CDH12: variants seen among roughly 807,000 people sequenced by gnomAD.
CDH12 encodes cadherin-12.
CDH12 carries 41 observed loss-of-function variants against 74.1 expected under a neutral mutation model. That is an observed-to-expected ratio of 0.55 (90% CI 0.43 to 0.72). CDH12 has a LOEUF of 0.72. CDH12 is among the 30% of genes least tolerant of loss of function. The pLI is 0.00. For synonymous variants in CDH12, 399 were observed against 355.0 expected, an observed-to-expected ratio of 1.12 and a Z score of -1.39; for missense variants, 945 against 977.2, an observed-to-expected ratio of 0.97 and a Z score of 0.44.
chr5:22,788,351 A>G (rs1747744717), intron 1 of CDH12, among the ~76,000 whole-genome samples: 1 of 151,996 alleles, frequency 6.6e-6, no homozygotes. Flanking sequence ...GCAGATTTAT[A>G]TGCACCTTTA....
At chr5:21,866,652 A>G (rs1397051333) in intron 6 of CDH12, among the ~76,000 whole-genome samples, 2 of 152,312 alleles carry the variant, frequency 1.3e-5, no homozygotes, top group East Asian at 3.9e-4. Flanking sequence ...ATTCAGTTTT[A>G]TAAGGGAAGC....
At chr5:22,283,251 T>TCTATAC (rs1554027675) in intron 3 of CDH12, among the ~76,000 whole-genome samples, 3 of 102,058 alleles carry the variant, frequency 2.9e-5, no homozygotes, top group African/African-American at 1.2e-4. Context: ...TATATATATA[T>TCTATAC]ACACACACAC....
chr5:22,717,862 A>G (rs1743659877), intron 1 of CDH12, among the ~76,000 whole-genome samples: 1 of 152,174 alleles, frequency 6.6e-6, no homozygotes, highest in African/African-American at 2.4e-5. Context: ...TTCTTATTTC[A>G]GACAGACCTT....
intron 2 of CDH12, among the ~76,000 whole-genome samples, chr5:22,438,265 T>C (rs1458500223): frequency 6.6e-6 from 1 of 152,038 alleles, no homozygotes; most frequent in East Asian, 1.9e-4. Context: ...CAACAAATTA[T>C]AGCATTTTGG....
chr5:22,601,969 C>T (rs1736873052), intron 1 of CDH12, among the ~76,000 whole-genome samples: 1 of 152,016 alleles, frequency 6.6e-6, no homozygotes, highest in Non-Finnish European at 1.5e-5. Flanking sequence ...ACATGTAAGA[C>T]ACATTCAAAG....
chr5:22,806,447 G>A (rs1374463724), intron 1 of CDH12, among the ~76,000 whole-genome samples: 2 of 151,270 alleles, frequency 1.3e-5, no homozygotes, highest in African/African-American at 4.9e-5. Flanking sequence ...CCGCCTCCCG[G>A]GTTCACGCCA....
chr5:22,354,366 C>T (rs767948338), intron 3 of CDH12, among the ~76,000 whole-genome samples: 5 of 152,204 alleles, frequency 3.3e-5, no homozygotes, highest in Non-Finnish European at 5.9e-5. Flanking sequence ...ATCGCCATCA[C>T]CACCAGTGGT....
chr5:22,280,917 C>CA (rs1338925525), intron 3 of CDH12, among the ~76,000 whole-genome samples: 1 of 151,820 alleles, frequency 6.6e-6, no homozygotes, highest in African/African-American at 2.4e-5. Flanking sequence ...AGAGACACAA[C>CA]AAAAAAAGAG....
chr5:22,814,166 C>T (rs769150257), intron 1 of CDH12, among the ~76,000 whole-genome samples: 5 of 152,074 alleles, frequency 3.3e-5, no homozygotes, highest in Non-Finnish European at 7.4e-5. Flanking sequence ...TCTTGTCTTA[C>T]ATAATCTAGG....
At chr5:21,831,701 C>A (rs1749030953) in intron 8 of CDH12, among the ~76,000 whole-genome samples, 1 of 151,324 alleles carries the variant, frequency 6.6e-6, no homozygotes, top group African/African-American at 2.4e-5. Context: ...CATGTACTTG[C>A]CCTGATTCTC....
intron 3 of CDH12, among the ~76,000 whole-genome samples, chr5:22,378,092 C>T (rs973729553): frequency 6.6e-6 from 1 of 152,002 alleles, no homozygotes; most frequent in Non-Finnish European, 1.5e-5. Context: ...TTTAATTTTA[C>T]ATGTTAATAT....
intron 4 of CDH12, among the ~76,000 whole-genome samples, chr5:22,179,299 C>T (rs1413666692): frequency 6.6e-6 from 1 of 151,984 alleles, no homozygotes; most frequent in Non-Finnish European, 1.5e-5. Context: ...GTGTTGTTAT[C>T]AAATATGGGT....
intron 1 of CDH12, among the ~76,000 whole-genome samples, chr5:22,715,678 G>A (rs1016886917): frequency 1.3e-5 from 2 of 151,922 alleles, no homozygotes; most frequent in African/African-American, 2.4e-5. Context: ...TCAGGAGCCA[G>A]TAATCCCAGC....
intron 3 of CDH12, among the ~76,000 whole-genome samples, chr5:22,227,920 G>T (rs1396465501): frequency 6.6e-6 from 1 of 152,118 alleles, no homozygotes; most frequent in Non-Finnish European, 1.5e-5. Context: ...AGATCAGGAT[G>T]GAGCTCACGT....
intron 2 of CDH12, among the ~76,000 whole-genome samples, chr5:22,470,241 G>C (rs1745900333): frequency 6.6e-6 from 1 of 152,062 alleles, no homozygotes; most frequent in Admixed American, 6.6e-5. Flanking sequence ...ATTAGATTCT[G>C]AAGTTTTCTT....
chr5:22,077,763 G>GA (rs985527134), intron 5 of CDH12, among the ~76,000 whole-genome samples: 4 of 151,848 alleles, frequency 2.6e-5, no homozygotes, highest in Admixed American at 2.6e-4. Flanking sequence ...AGTATTTTGT[G>GA]AAAAAAATTA....
intron 3 of CDH12, among the ~76,000 whole-genome samples, chr5:22,228,625 C>CA (rs998006913): frequency 1.6e-4 from 25 of 151,954 alleles, no homozygotes; most frequent in Admixed American, 4.6e-4. Flanking sequence ...AGCTTGATAC[C>CA]AAGTAGTATG....
intron 3 of CDH12, among the ~76,000 whole-genome samples, chr5:22,334,013 G>A (rs1342160657): frequency 1.3e-5 from 2 of 152,264 alleles, no homozygotes; most frequent in Non-Finnish European, 1.5e-5. Flanking sequence ...CGGACCACAT[G>A]TAGTATCACA....
chr5:22,175,068 A>G (rs1749253426), intron 4 of CDH12, among the ~76,000 whole-genome samples: 2 of 152,026 alleles, frequency 1.3e-5, no homozygotes, highest in Admixed American at 6.6e-5. Flanking sequence ...TATGTATTAA[A>G]TGCCTAATTA....
Sources: allele counts gnomAD v4.1 joint callset (sites outside exome capture counted in the v4.1 genomes callset), GRCh38; gene constraint gnomAD v4.1.1; transcripts MANE v1.5; gene names NCBI Gene and HGNC (gene_info 2026-07-23, HGNC 2026-07-21).